FHAD1: variants seen among roughly 807,000 people sequenced by gnomAD.
FHAD1 encodes forkhead associated phosphopeptide binding domain 1, also known as forkhead-associated domain-containing protein 1.
A neutral mutation model predicts 191.3 loss-of-function variants in FHAD1; 146 were observed. The observed-to-expected ratio is 0.76, with a 90% CI of 0.67 to 0.88. The LOEUF is 0.88. FHAD1 is among the 40% of genes least tolerant of loss of function. The pLI is 0.00. For synonymous variants in FHAD1, 616 were observed against 672.3 expected, an observed-to-expected ratio of 0.92 and a Z score of 1.29; for missense variants, 1,635 against 1,785.8, an observed-to-expected ratio of 0.92 and a Z score of 1.52.
chr1:15,302,832 A>C (rs1229438986), intron 6 of FHAD1, among the ~76,000 whole-genome samples: 1 of 152,232 alleles, frequency 6.6e-6, no homozygotes, highest in African/African-American at 2.4e-5. Context: ...AACTGTGGAC[A>C]TGCCTGGGGC....
intron 4 of FHAD1, among the ~76,000 whole-genome samples, chr1:15,292,971 C>A (rs1000339997): frequency 3.9e-5 from 6 of 152,134 alleles, no homozygotes; most frequent in African/African-American, 1.4e-4. Flanking sequence ...AAATTAATTT[C>A]TGTTATTGAG....
At chr1:15,344,199 G>A (rs903787777) in intron 16 of FHAD1, among the ~76,000 whole-genome samples, 5 of 152,206 alleles carry the variant, frequency 3.3e-5, no homozygotes, top group Non-Finnish European at 7.3e-5. Context: ...TTGGACTTCA[G>A]TGCCAAGTGT....
At chr1:15,346,517 T>C (rs879611360) in intron 18 of FHAD1, among the ~76,000 whole-genome samples, 5 of 152,114 alleles carry the variant, frequency 3.3e-5, no homozygotes, top group African/African-American at 1.2e-4. Context: ...CCATCACCCA[T>C]TTTCTTCCTA....
Position 15,382,040 on chromosome 1 carries a change from G to A in FHAD1, c.4035G>A (p.Val1345=). The A allele has an allele frequency of 6.4e-7, 1 of 1,552,118 alleles. No individual in the cohort carries two copies. Among genetic ancestry groups the A allele is most frequent in the Non-Finnish European group, 8.7e-7 (1 of 1,147,104 alleles). ...KDVEQLRRSK[V]SIEMYQSQVA... ...CCTGTGCACCCAGGCGGAGCAAAGTGTCCATTGAGATGTACCAGTCGCAGG... is the reference window on the plus strand; with the variant it reads ...CCTGTGCACCCAGGCGGAGCAAAGTATCCATTGAGATGTACCAGTCGCAGG... The change falls in exon 31 of 34, where the codon GTG becomes GTA. Residue 1345 remains valine, a synonymous_variant. Transcript: ENST00000688493.
intron 6 of FHAD1, among the ~76,000 whole-genome samples, chr1:15,301,669 G>A (rs1370914509): frequency 7.2e-5 from 11 of 152,202 alleles, no homozygotes; most frequent in South Asian, 2.1e-4. Context: ...AGTGCAAAGC[G>A]CTTTAGATTA....
rs974238131 is a variant in FHAD1 at position 15,316,352 on chromosome 1, T to C, written c.1171-26T>C. The C allele has an allele frequency of 2.6e-6, 4 of 1,548,728 alleles. No homozygotes were observed. In the African/African-American group the frequency reaches 5.5e-5, roughly 21 times the overall value. On this transcript the variant is annotated intron_variant, in intron 8 of 33. Transcript: ENST00000688493. This position sits in a 1 kb window ranked among gnomAD's most constrained non-coding sequence, Gnocchi z 4.3. ...ACCCTACCTGGCCAACGTTGGCCTC[T>C]TTCTGTGTTGCCCTTTTCTCCACAG... is the stretch of plus-strand genomic sequence containing the variant.
intron 5 of FHAD1, 116 bp from the exon 6 acceptor site, chr1:15,301,089 C>A: frequency 1.2e-6 from 1 of 836,042 alleles, no homozygotes; most frequent in Non-Finnish European, 1.8e-6. Flanking sequence ...CTTGGCCTCC[C>A]ATAGTGCTAG....
rs185411519 is a variant in FHAD1 at position 15,320,997 on chromosome 1, C to T, written c.1365+3069C>T. Among the ~76,000 whole-genome samples, 447 of 152,238 alleles carry T rather than the reference C, an allele frequency of 2.9e-3. 1 individual carries two copies. Among genetic ancestry groups the T allele is most frequent in the Non-Finnish European group, 4.2e-3 (283 of 68,026 alleles). ...ATTGCCAGGCTGGAGTGCAGTGGTG[C>T]GATCTCAGCTCACTGCAACCTCCAC... is the stretch of plus-strand genomic sequence containing the variant. On this transcript the variant is annotated intron_variant, in intron 10 of 33. Coordinates refer to ENST00000688493, the MANE Select transcript of FHAD1 (RefSeq NM_001391957.1).
chr1:15,360,376 G>A, intron 21 of FHAD1, 102 bp from the exon 22 acceptor site: 4 of 1,004,492 alleles, frequency 4.0e-6, no homozygotes, highest in Non-Finnish European at 5.9e-6. Context: ...AGGCCCTGGG[G>A]TGGGGCCCAG....
In FHAD1 at chr1:15,367,458, C is replaced by T. The variant is rs1269323151; in HGVS notation, c.3155-5C>T. 7.7e-6 allele frequency: 12 copies of T among 1,550,528 alleles called. No individual in the cohort carries two copies. The highest frequency in any genetic ancestry group is 4.1e-5 in the African/African-American group (3 of 73,114). ...CCCCCTTACCGGCCCTCCTGTCACT[C>T]GCAGGGGAGCTAAACGAGAAGCAGA... On this transcript the variant is annotated splice_polypyrimidine_tract_variant and splice_region_variant and intron_variant, in intron 24 of 33. Coordinates refer to ENST00000688493, the MANE Select transcript of FHAD1 (RefSeq NM_001391957.1).
rs1558129401 is a variant in FHAD1 at position 15,329,452 on chromosome 1, T to G, written c.1817T>G (p.Leu606Arg). The change falls in exon 14 of 34, where the codon CTG becomes CGG. Residue 606 changes from leucine (L) to arginine (R), a missense_variant. Transcript: ENST00000688493. The surrounding 1 kb of genome is among the most constrained non-coding windows in gnomAD (Gnocchi z 5.0). ...PPVSGLQKVV[L>R]DVLRHALSWL... is the part of the protein sequence containing the mutation. The stretch of plus-strand genomic sequence containing the variant: ...GTCTCGGGGCTCCAGAAGGTGGTGC[T>G]GGACGTCCTGAGGCACGCGCTGTCC... The G allele has an allele frequency of 1.9e-6, 3 of 1,551,208 alleles. No homozygotes were observed. Among genetic ancestry groups the G allele is most frequent in the Non-Finnish European group, 2.6e-6 (3 of 1,146,992 alleles).
Position 15,298,515 on chromosome 1 carries a change from A to G in FHAD1, c.678+1722A>G, listed in dbSNP as rs564918734. On this transcript the variant is annotated intron_variant, in intron 5 of 33. Transcript: ENST00000688493. ...CTTGGAATTTGAGCCCTCTCTGCAC[A>G]TAGTTTTTCATCCTGGGCTTCTTCA... Among the ~76,000 whole-genome samples, 21 of 152,296 alleles carry G rather than the reference A, an allele frequency of 1.4e-4. No individual in the cohort carries two copies. In the East Asian group the frequency reaches 3.9e-3, roughly 28 times the overall value.
downstream of FHAD1, among the ~76,000 whole-genome samples, chr1:15,399,446 G>A (rs1426780646): frequency 6.6e-6 from 1 of 152,058 alleles, no homozygotes; most frequent in South Asian, 2.1e-4. Context: ...TGTGCCAGTA[G>A]TCACCACTAT....
intron 10 of FHAD1, among the ~76,000 whole-genome samples, chr1:15,321,622 T>C (rs1389340531): frequency 2.0e-5 from 3 of 152,252 alleles, no homozygotes; most frequent in African/African-American, 7.2e-5. Context: ...ATTACTATTA[T>C]GTGTTTTCTA....
At chr1:15,247,967 A>C (rs1646297770) in intron 1 of FHAD1, among the ~76,000 whole-genome samples, 1 of 152,108 alleles carries the variant, frequency 6.6e-6, no homozygotes, top group Admixed American at 6.5e-5. Flanking sequence ...CACTTTCTAC[A>C]GTGTTTTCAG....
intron 15 of FHAD1, among the ~76,000 whole-genome samples, chr1:15,341,284 C>A (rs1385039651): frequency 6.6e-6 from 1 of 152,216 alleles, no homozygotes; most frequent in East Asian, 1.9e-4. Context: ...GGTCTAGTCC[C>A]TTCTCCTTAT....
rs1392030748 is a variant in FHAD1, at chr1:15,328,376, G to T, written c.1657G>T (p.Glu553Ter). 7 of 1,505,984 alleles carry T rather than the reference G, an allele frequency of 4.6e-6. No individual in the cohort carries two copies. The highest frequency in any genetic ancestry group is 6.2e-6 in the Non-Finnish European group (7 of 1,122,998). The allele number at this position is 1,505,984 out of a possible 1,614,324, so 93.3% of individuals were successfully genotyped here. A position where few individuals can be genotyped will look rare whatever the true frequency, so the allele number is the denominator to read the frequency against. ...GACCCAGCTGAGCAACTCCAAGCAG[G>T]AGGAGACCACCGAGAACATCGAGAA... ...KETQLSNSKQ[E>*]ETTENIEKLR... The change falls in exon 13 of 34, where the codon GAG (glutamate) becomes TAG (stop). Residue 553 changes from glutamate to a stop codon, truncating the protein, a stop_gained. Transcript: ENST00000688493. LOFTEE classifies it high-confidence loss of function.
chr1:15,313,633 T>TG (rs1672993926), intron 8 of FHAD1, among the ~76,000 whole-genome samples: 1 of 152,122 alleles, frequency 6.6e-6, no homozygotes, highest in South Asian at 2.1e-4. Context: ...CAGTAACCAC[T>TG]GGTTTGCACA....
chr1:15,251,144 G>A (rs1752003), intron 1 of FHAD1, among the ~76,000 whole-genome samples: 43,817 of 151,540 alleles, frequency 0.29, 7,415 homozygotes, highest in Non-Finnish European at 0.39. Context: ...GTGTGGTGGT[G>A]CACACCTGTA....
Sources: allele counts gnomAD v4.1 joint callset (sites outside exome capture counted in the v4.1 genomes callset), GRCh38; gene constraint gnomAD v4.1.1; non-coding constraint Gnocchi (gnomAD v3.1); transcripts MANE v1.5; gene names NCBI Gene and HGNC (gene_info 2026-07-23, HGNC 2026-07-21).